ABL2: variants seen among roughly 807,000 people sequenced by gnomAD.
ABL2 encodes the protein ABL proto-oncogene 2, non-receptor tyrosine kinase.
ABL2 carries 49 observed loss-of-function variants against 107.7 expected under a neutral mutation model. That is an observed-to-expected ratio of 0.45 (90% confidence interval 0.36 to 0.58). ABL2 has a LOEUF of 0.58. ABL2 is among the 20% of genes least tolerant of loss of function. ABL2 has a pLI of 0.00. For missense variants in ABL2, 1,245 were observed against 1,457.0 expected (o/e 0.85, Z 2.37); for synonymous variants, 549 against 548.6 (o/e 1.00, Z -0.01).
intron 1 of ABL2, among the ~76,000 whole-genome samples, chr1:179,141,673 G>C (rs577808052): frequency 2.0e-5 from 3 of 152,228 alleles, no homozygotes; most frequent in Non-Finnish European, 2.9e-5. Context: ...TTTTGGTTGA[G>C]TCAAAAGATC....
chr1:179,198,305 G>T (rs1468497955), intron 1 of ABL2, among the ~76,000 whole-genome samples: 1 of 152,078 alleles, frequency 6.6e-6, no homozygotes, highest in Non-Finnish European at 1.5e-5. Flanking sequence ...GACAATTAGG[G>T]AATCTAGGCA....
chr1:179,141,732 G>T (rs533815228), intron 1 of ABL2, among the ~76,000 whole-genome samples: 1 of 152,146 alleles, frequency 6.6e-6, no homozygotes, highest in South Asian at 2.1e-4. Flanking sequence ...TGTTCTCAAA[G>T]AACTTAGGGT....
intron 1 of ABL2, among the ~76,000 whole-genome samples, chr1:179,182,674 A>C (rs1217418290): frequency 6.6e-6 from 1 of 152,202 alleles, no homozygotes; most frequent in African/African-American, 2.4e-5. Context: ...TTTATCCTTT[A>C]ATAGACACTC....
intron 1 of ABL2, chr1:179,142,801 G>GCA: frequency 1.0e-6 from 1 of 1,002,610 alleles, no homozygotes. Flanking sequence ...CCCCAAGAAA[G>GCA]CACACAAACT....
intron 1 of ABL2, 64 bp downstream of exon 1, chr1:179,229,177 A>ACCCCCCCCCCCCCCCCC: frequency 5.0e-6 from 1 of 198,890 alleles, no homozygotes; most frequent in Non-Finnish European, 7.7e-6. Flanking sequence ...TCCGCCACCC[A>ACCCCCCCCCCCCCCCCC]CCCCGCCCCG....
chr1:179,135,891 C>T (rs1174348700), intron 1 of ABL2, among the ~76,000 whole-genome samples: 3 of 146,950 alleles, frequency 2.0e-5, no homozygotes, highest in Non-Finnish European at 4.5e-5. Flanking sequence ...CGCCTCTGCC[C>T]GGCCGCCCCT....
At chr1:179,201,713 T>C (rs1445371344) in intron 1 of ABL2, 2 of 679,640 alleles carry the variant, frequency 2.9e-6, no homozygotes, top group Non-Finnish European at 2.6e-6. Flanking sequence ...TCAGAGGCAT[T>C]GATATGCAGC....
intron 1 of ABL2, among the ~76,000 whole-genome samples, chr1:179,204,523 A>C (rs1416069320): frequency 1.3e-5 from 2 of 151,700 alleles, no homozygotes; most frequent in African/African-American, 4.8e-5. Context: ...AGGCGGGCAG[A>C]TCACTTGAGG....
chr1:179,170,605 ATTTAT>A (rs1659662786), intron 1 of ABL2, among the ~76,000 whole-genome samples: 1 of 150,956 alleles, frequency 6.6e-6, no homozygotes, highest in African/African-American at 2.4e-5. Flanking sequence ...GTATTTATTT[ATTTAT>A]TTTGAGAGGG....
At chr1:179,198,037 G>A (rs1324464071) in intron 1 of ABL2, among the ~76,000 whole-genome samples, 2 of 151,850 alleles carry the variant, frequency 1.3e-5, no homozygotes, top group African/African-American at 4.8e-5. Context: ...AGCTGGCGTG[G>A]TGGCACACGT....
At chr1:179,204,972 TA>T (rs1295891712) in intron 1 of ABL2, among the ~76,000 whole-genome samples, 1 of 151,722 alleles carries the variant, frequency 6.6e-6, no homozygotes, top group Non-Finnish European at 1.5e-5. Flanking sequence ...GCATGTAACA[TA>T]ATGGGTGACC....
At chr1:179,141,775 T>A (rs1477099766) in intron 1 of ABL2, among the ~76,000 whole-genome samples, 1 of 152,182 alleles carries the variant, frequency 6.6e-6, no homozygotes. Flanking sequence ...GCACAGGATA[T>A]CCACTTAAAC....
chr1:179,140,472 A>C (rs1657472119), intron 1 of ABL2, among the ~76,000 whole-genome samples: 1 of 152,162 alleles, frequency 6.6e-6, no homozygotes, highest in Admixed American at 6.5e-5. Context: ...ATAGTGTATA[A>C]TTTACTTATT....
intron 1 of ABL2, among the ~76,000 whole-genome samples, chr1:179,166,768 C>T (rs894336713): frequency 2.1e-4 from 26 of 125,532 alleles, no homozygotes; most frequent in Admixed American, 4.9e-4. Context: ...CAGAACAAGA[C>T]TTCATCTCAA....
At chr1:179,151,779 A>T (rs1249194234) in intron 1 of ABL2, among the ~76,000 whole-genome samples, 1 of 152,244 alleles carries the variant, frequency 6.6e-6, no homozygotes, top group East Asian at 1.9e-4. Context: ...GAGAAATTAA[A>T]TGCTGAAATG....
chr1:179,172,193 G>A (rs1659762540), intron 1 of ABL2, among the ~76,000 whole-genome samples: 1 of 152,138 alleles, frequency 6.6e-6, no homozygotes, highest in African/African-American at 2.4e-5. Flanking sequence ...TTAAAGAAAA[G>A]GAAATTCCTT....
rs1350964902 is a variant in ABL2, at chr1:179,102,306, C to T, written c.*5412G>A. 1 of 188,454 alleles carries T rather than the reference C, an allele frequency of 5.3e-6. No individual in the cohort carries two copies. Among genetic ancestry groups the T allele is most frequent in the Non-Finnish European group, 1.1e-5 (1 of 89,414 alleles). The allele number at this position is 188,454 out of a possible 1,614,324, so 11.7% of individuals were successfully genotyped here. On this transcript the variant is annotated 3_prime_UTR_variant, in exon 12 of 12. Transcript: ENST00000502732. ...GATTACAGGCGTGAGCCACCGCACC[C>T]GGCCAGAATTTCTTTAAGTCTAGTA...
intron 9 of ABL2, among the ~76,000 whole-genome samples, chr1:179,112,869 C>G (rs1279992215): frequency 2.6e-5 from 4 of 152,126 alleles, no homozygotes; most frequent in African/African-American, 7.2e-5. Context: ...ATTCTCCAGC[C>G]TCAGCCTCAC....
At chr1:179,184,582 G>A (rs1277835559) in intron 1 of ABL2, 3 of 566,136 alleles carry the variant, frequency 5.3e-6, no homozygotes, top group Non-Finnish European at 9.6e-6. Flanking sequence ...TGAGGAGGAG[G>A]AGGAGGAGGA....
Sources: gnomAD v4.1 joint callset for allele counts (sites outside exome capture counted in the v4.1 genomes callset) on GRCh38, gnomAD v4.1.1 for gene constraint, MANE v1.5 for transcripts, NCBI Gene and HGNC (gene_info 2026-07-23, HGNC 2026-07-21) for gene names.